Variants in TUBA1C observed in about 807,000 individuals in gnomAD.
TUBA1C encodes the protein tubulin alpha 1c.
Under a neutral mutation model 34.9 loss-of-function variants are expected in TUBA1C, and 16 were observed. The observed-to-expected ratio is 0.46, with a 90% confidence interval of 0.31 to 0.70. The LOEUF is 0.70. TUBA1C is among the 30% of genes least tolerant of loss of function. The pLI is 0.05. For synonymous variants in TUBA1C, 177 were observed against 215.9 expected, an observed-to-expected ratio of 0.82 and a Z score of 1.58; for missense variants, 329 against 587.3, an observed-to-expected ratio of 0.56 and a Z score of 4.55.
At chr12:49,244,112 T>G (rs545517242) in intron 1 of TUBA1C, among the ~76,000 whole-genome samples, 3 of 146,432 alleles carry the variant, frequency 2.0e-5, no homozygotes, top group African/African-American at 7.6e-5. Flanking sequence ...ATTGTGCCAC[T>G]GCACTCCAGC....
upstream of TUBA1C, among the ~76,000 whole-genome samples, chr12:49,260,516 T>C (rs1169064474): frequency 2.6e-5 from 4 of 152,134 alleles, no homozygotes; most frequent in Non-Finnish European, 4.4e-5. Context: ...AAAACACAGC[T>C]CAAATCAGGG....
intron 1 of TUBA1C, among the ~76,000 whole-genome samples, chr12:49,258,297 G>A (rs1012967856): frequency 6.6e-6 from 1 of 152,104 alleles, no homozygotes; most frequent in Non-Finnish European, 1.5e-5. Context: ...AGGTCAGCTG[G>A]GTGCAGTGGC....
At chr12:49,257,898 G>A in intron 1 of TUBA1C, 1 of 169,056 alleles carries the variant, frequency 5.9e-6, no homozygotes, top group Non-Finnish European at 1.3e-5. Context: ...TCACTCTACT[G>A]CCCAGGCTGG....
chr12:49,270,308 A>G, intron 3 of TUBA1C: 1 of 422,858 alleles, frequency 2.4e-6, no homozygotes, highest in Non-Finnish European at 4.4e-6. Flanking sequence ...TGGTTCCTTC[A>G]TGTCAATACA....
chr12:49,235,023 G>A (rs1942537634), intron 1 of TUBA1C, among the ~76,000 whole-genome samples: 1 of 151,518 alleles, frequency 6.6e-6, no homozygotes, highest in South Asian at 2.1e-4. Flanking sequence ...TCACCATGTT[G>A]GTCAGGCTGG....
upstream of TUBA1C, among the ~76,000 whole-genome samples, chr12:49,260,763 G>T (rs1437067113): frequency 6.6e-6 from 1 of 152,170 alleles, no homozygotes; most frequent in Non-Finnish European, 1.5e-5. Flanking sequence ...AACAGGGTCT[G>T]TTTTCCCCCC....
chr12:49,273,672 T>C lies in TUBA1C; in HGVS notation c.*445T>C, dbSNP rs1943026024. 2 of 227,488 alleles carry C rather than the reference T, an allele frequency of 8.8e-6. No individual in the cohort carries two copies. The highest frequency in any genetic ancestry group is 1.3e-4 in the South Asian group (2 of 15,218). 14.1% of individuals were successfully genotyped at this position (227,488 alleles called of 1,614,324 possible). ...AGTTTTGATTATAGGCATGAGCCAC[T>C]GCCCAGCTTCTTGGTTTATCTGTTT... is the stretch of plus-strand genomic sequence containing the variant. On this transcript the variant is annotated 3_prime_UTR_variant, in exon 4 of 4. Transcript: ENST00000301072.
intron 1 of TUBA1C, among the ~76,000 whole-genome samples, chr12:49,267,996 C>A (rs1942938053): frequency 6.6e-6 from 1 of 152,306 alleles, no homozygotes; most frequent in South Asian, 2.1e-4. Context: ...TTTTACTTAG[C>A]AGGTGTGGGT....
Position 49,231,717 on chromosome 12 carries a change from CAGAT to C in TUBA1C, c.213+3568_213+3571del, listed in dbSNP as rs367832439. 3.7e-3 allele frequency among the ~76,000 whole-genome samples: 554 copies of C among 151,270 alleles called. 1 individual carries two copies. Among genetic ancestry groups the C allele is most frequent in the Non-Finnish European group, 5.3e-3 (359 of 67,878 alleles). On this transcript the variant is annotated intron_variant, in intron 1 of 3. Coordinates refer to the TUBA1C transcript ENST00000541364. ...ATAGATAGACAGACAGACAGACAGA[CAGAT>C]AGATAGATAGATAGATGGAGTCTCG...
chr12:49,242,065 C>A (rs1942623255), intron 1 of TUBA1C, among the ~76,000 whole-genome samples: 1 of 151,562 alleles, frequency 6.6e-6, no homozygotes, highest in East Asian at 1.9e-4. Context: ...TCTCAGCCCA[C>A]TGCAGCCTCC....
Position 49,272,496 on chromosome 12 carries a change from G to A in TUBA1C, c.619G>A (p.Glu207Lys). 1 of 1,610,072 alleles carries A rather than the reference G, an allele frequency of 6.2e-7. No homozygotes were observed. ...HSDCAFMVDNEAIYDICRRNL... is the reference protein window; with the variant it reads ...HSDCAFMVDNKAIYDICRRNL... ...TGATTGTGCCTTCATGGTAGACAAT[G>A]AGGCCATCTATGACATCTGTCGTAG... The change falls in exon 4 of 4, where the codon GAG becomes AAG. Residue 207 changes from glutamate to lysine, a missense_variant. Physicochemically the swap from Glu to Lys is moderately conservative, Grantham distance 56 (BLOSUM62 1). Transcript: ENST00000301072.
intron 1 of TUBA1C, among the ~76,000 whole-genome samples, chr12:49,266,640 G>A (rs1018356123): frequency 6.6e-6 from 1 of 152,142 alleles, no homozygotes; most frequent in Non-Finnish European, 1.5e-5. Flanking sequence ...CTTGAGCTCA[G>A]GAGGTCGAGA....
chr12:49,247,774 C>G (rs1313529622), intron 1 of TUBA1C, among the ~76,000 whole-genome samples: 1 of 150,124 alleles, frequency 6.7e-6, no homozygotes, highest in Non-Finnish European at 1.5e-5. Context: ...GGTGAAACCC[C>G]GTCTCTACTA....
At chr12:49,268,407 T>G (rs1201330460) in intron 1 of TUBA1C, among the ~76,000 whole-genome samples, 3 of 151,924 alleles carry the variant, frequency 2.0e-5, no homozygotes, top group Non-Finnish European at 2.9e-5. Context: ...CCATAATTTT[T>G]TTTTTTTTTG....
chr12:49,257,648 C>T (rs1942798124), intron 1 of TUBA1C, among the ~76,000 whole-genome samples: 1 of 151,718 alleles, frequency 6.6e-6, no homozygotes, highest in South Asian at 2.1e-4. Context: ...AGCATGGTGG[C>T]GCACACGGTA....
chr12:49,237,258 A>C (rs1306382269), intron 1 of TUBA1C, among the ~76,000 whole-genome samples: 1 of 150,860 alleles, frequency 6.6e-6, no homozygotes, highest in Non-Finnish European at 1.5e-5. Context: ...CATCTCTACT[A>C]AAAATACAAA....
upstream of TUBA1C, among the ~76,000 whole-genome samples, chr12:49,262,607 C>G (rs546094394): frequency 6.6e-6 from 1 of 151,556 alleles, no homozygotes; most frequent in South Asian, 2.1e-4. Context: ...TGGTGAAACC[C>G]CATCTCTACT....
intron 1 of TUBA1C, among the ~76,000 whole-genome samples, chr12:49,266,159 C>T (rs1344183143): frequency 6.7e-6 from 1 of 149,752 alleles, no homozygotes; most frequent in African/African-American, 2.5e-5. Flanking sequence ...GGCGCGGTGG[C>T]TCACGCCTGT....
At chr12:49,245,195 G>T (rs956238727) in intron 1 of TUBA1C, among the ~76,000 whole-genome samples, 1 of 152,132 alleles carries the variant, frequency 6.6e-6, no homozygotes, top group South Asian at 2.1e-4. Flanking sequence ...GTCCAGCTAT[G>T]GCAGTGTGAA....
Sources: allele counts gnomAD v4.1 joint callset (sites outside exome capture counted in the v4.1 genomes callset), GRCh38; gene constraint gnomAD v4.1.1; transcripts MANE v1.5; gene names NCBI Gene and HGNC (gene_info 2026-07-23, HGNC 2026-07-21).